Variants in MGAT4C observed in about 807,000 individuals in gnomAD.
The protein encoded by MGAT4C is alpha-1,3-mannosyl-glycoprotein 4-beta-N-acetylglucosaminyltransferase C.
MGAT4C carries 19 observed loss-of-function variants against 40.1 expected under a neutral mutation model. The observed-to-expected ratio is 0.47, with a 90% CI of 0.33 to 0.70. The LOEUF (loss-of-function observed/expected upper bound fraction) is 0.70, where lower values mean the gene tolerates loss of function less well. MGAT4C is among the 30% of genes least tolerant of loss of function. MGAT4C has a pLI of 0.02. For missense variants in MGAT4C, 491 were observed against 563.2 expected, an observed-to-expected ratio of 0.87 and a Z score of 1.30; for synonymous variants, 181 against 187.1, an observed-to-expected ratio of 0.97 and a Z score of 0.27.
At chr12:86,480,787 A>G (rs1957925059) in intron 2 of MGAT4C, among the ~76,000 whole-genome samples, 1 of 151,810 alleles carries the variant, frequency 6.6e-6, no homozygotes, top group Non-Finnish European at 1.5e-5. Flanking sequence ...TAGGTGCTAA[A>G]TGATTTTTAT....
chr12:86,118,974 A>G (rs556630530), intron 1 of MGAT4C, among the ~76,000 whole-genome samples: 1 of 152,238 alleles, frequency 6.6e-6, no homozygotes, highest in East Asian at 1.9e-4. Flanking sequence ...ATTTTCAGTA[A>G]CAAAATTGGA....
intron 3 of MGAT4C, among the ~76,000 whole-genome samples, chr12:86,367,691 C>G (rs1955626978): frequency 1.3e-5 from 2 of 152,114 alleles, no homozygotes; most frequent in South Asian, 4.1e-4. Flanking sequence ...CCCAGCTCAT[C>G]AGGAGGCTGA....
intron 4 of MGAT4C, among the ~76,000 whole-genome samples, chr12:86,311,651 G>C (rs1954077561): frequency 6.6e-6 from 1 of 152,136 alleles, no homozygotes; most frequent in African/African-American, 2.4e-5. Context: ...CCCGTGTTTA[G>C]GGTTTAATAC....
At chr12:86,659,039 T>C (rs1296672610) in intron 2 of MGAT4C, among the ~76,000 whole-genome samples, 1 of 152,138 alleles carries the variant, frequency 6.6e-6, no homozygotes, top group African/African-American at 2.4e-5. Flanking sequence ...AATAATTAAA[T>C]GTTTATTGTC....
chr12:86,672,523 A>G (rs1165606535), intron 2 of MGAT4C, among the ~76,000 whole-genome samples: 2 of 152,080 alleles, frequency 1.3e-5, no homozygotes, highest in Non-Finnish European at 2.9e-5. Context: ...AAATTGACAA[A>G]CCTTTACCCA....
At chr12:86,040,454 G>T (rs1335505280) in intron 2 of MGAT4C, among the ~76,000 whole-genome samples, 1 of 152,218 alleles carries the variant, frequency 6.6e-6, no homozygotes, top group African/African-American at 2.4e-5. Flanking sequence ...ATCTGGAGAG[G>T]CAGTCTGGCT....
intron 4 of MGAT4C, among the ~76,000 whole-genome samples, chr12:86,319,292 C>T (rs1037419423): frequency 1.3e-5 from 2 of 152,208 alleles, no homozygotes; most frequent in Non-Finnish European, 2.9e-5. Flanking sequence ...ACATTTAGCA[C>T]GAAATATAAG....
At chr12:86,117,752 C>A (rs1423444343) in intron 1 of MGAT4C, among the ~76,000 whole-genome samples, 2 of 152,100 alleles carry the variant, frequency 1.3e-5, no homozygotes, top group Non-Finnish European at 2.9e-5. Flanking sequence ...TTCTTACTAT[C>A]ATTAGGGCCA....
chr12:86,397,502 A>C (rs1956282592), intron 3 of MGAT4C, among the ~76,000 whole-genome samples: 1 of 152,102 alleles, frequency 6.6e-6, no homozygotes, highest in Non-Finnish European at 1.5e-5. Context: ...CTAAAACCTT[A>C]AAAAGCAGCC....
chr12:86,644,947 C>T (rs191679326), intron 2 of MGAT4C, among the ~76,000 whole-genome samples: 273 of 151,666 alleles, frequency 1.8e-3, no homozygotes, highest in Non-Finnish European at 2.9e-3. Flanking sequence ...GGTACGGTTA[C>T]GTAACCACTG....
intron 1 of MGAT4C, among the ~76,000 whole-genome samples, chr12:86,791,493 T>C (rs1344301853): frequency 6.6e-6 from 1 of 151,842 alleles, no homozygotes; most frequent in African/African-American, 2.4e-5. Context: ...GGGCAGGTTG[T>C]GGGACTTAAG....
chr12:86,035,544 A>T (rs1325941453), intron 2 of MGAT4C, among the ~76,000 whole-genome samples: 7 of 149,764 alleles, frequency 4.7e-5, no homozygotes. Context: ...CACTATGGTG[A>T]TAGTTTCTTT....
chr12:86,464,118 A>G (rs1957642480), intron 2 of MGAT4C, among the ~76,000 whole-genome samples: 2 of 152,106 alleles, frequency 1.3e-5, no homozygotes, highest in South Asian at 2.1e-4. Flanking sequence ...ATACTGTAAG[A>G]TAGTACTTCG....
At chr12:86,325,016 T>C (rs1202917093) in intron 4 of MGAT4C, among the ~76,000 whole-genome samples, 1 of 152,186 alleles carries the variant, frequency 6.6e-6, no homozygotes, top group African/African-American at 2.4e-5. Context: ...GTCAATTTTT[T>C]GACCTATTGT....
intron 2 of MGAT4C, among the ~76,000 whole-genome samples, chr12:86,526,191 C>T (rs867355246): frequency 6.6e-6 from 1 of 152,080 alleles, no homozygotes; most frequent in Non-Finnish European, 1.5e-5. Flanking sequence ...CCTAGTTTCA[C>T]TCCCATGGCA....
chr12:86,629,563 A>G (rs1962954691), intron 2 of MGAT4C, among the ~76,000 whole-genome samples: 1 of 152,252 alleles, frequency 6.6e-6, no homozygotes, highest in Non-Finnish European at 1.5e-5. Context: ...CTCTCAGACC[A>G]CAGTGCAATC....
chr12:86,586,822 G>T (rs1428809165), intron 2 of MGAT4C, among the ~76,000 whole-genome samples: 1 of 151,830 alleles, frequency 6.6e-6, no homozygotes, highest in African/African-American at 2.4e-5. Flanking sequence ...TTGTAAATTT[G>T]TTGGAGTTCA....
intron 1 of MGAT4C, among the ~76,000 whole-genome samples, chr12:86,108,002 G>GC (rs1876525888): frequency 6.6e-6 from 1 of 152,002 alleles, no homozygotes; most frequent in Non-Finnish European, 1.5e-5. Flanking sequence ...AACTGATGAT[G>GC]TTTTTTTCCC....
chr12:86,707,093 T>C (rs532102899), intron 2 of MGAT4C, among the ~76,000 whole-genome samples: 2 of 152,268 alleles, frequency 1.3e-5, no homozygotes, highest in South Asian at 4.1e-4. Flanking sequence ...CTCTCTCCTT[T>C]GTAAATTGCC....
Sources: gnomAD v4.1 joint callset for allele counts (sites outside exome capture counted in the v4.1 genomes callset) on GRCh38, gnomAD v4.1.1 for gene constraint, MANE v1.5 for transcripts, NCBI Gene and HGNC (gene_info 2026-07-23, HGNC 2026-07-21) for gene names.